The following VEPH1 variants were observed in gnomAD, a reference collection of about 807,000 sequenced individuals.
VEPH1 encodes ventricular zone expressed PH domain containing 1, also known as ventricular zone-expressed PH domain-containing protein homolog 1.
VEPH1 carries 80 observed loss-of-function variants against 85.2 expected under a neutral mutation model. That is an observed-to-expected ratio of 0.94 (90% CI 0.78 to 1.13). VEPH1 has a LOEUF of 1.13. VEPH1 is among the 50% of genes most tolerant of loss of function. VEPH1 has a pLI of 0.00. For synonymous variants in VEPH1, 297 were observed against 348.0 expected (o/e 0.85, Z 1.63); for missense variants, 955 against 980.5 (o/e 0.97, Z 0.35).
intron 4 of VEPH1, among the ~76,000 whole-genome samples, chr3:157,449,028 T>TTC (rs1734752409): frequency 6.6e-6 from 1 of 152,136 alleles, no homozygotes; most frequent in Admixed American, 6.6e-5. Context: ...AGAAGTGCCT[T>TTC]TCACCTTCCA....
chr3:157,261,488 T>C (rs1577170177), intron 13 of VEPH1, 118 bp from the exon 14 acceptor site: 4 of 1,477,024 alleles, frequency 2.7e-6, no homozygotes, highest in Non-Finnish European at 3.6e-6. Flanking sequence ...TCTCAAGACC[T>C]TTGTTATTTT....
rs553134033 is a variant in VEPH1, at chr3:157,459,898, C to T, written c.529+283G>A. ...CCACAGTTGGTAGTTGAACAGGTGA[C>T]CAGAAGCACGGAAATGCAGTTCTTC... is the stretch of plus-strand genomic sequence containing the variant. On this transcript the variant is annotated intron_variant, in intron 4 of 13. Coordinates refer to ENST00000362010, the MANE Select transcript of VEPH1 (RefSeq NM_001167912.2). 5.5e-5 allele frequency: 85 copies of T among 1,537,108 alleles called. No homozygotes were observed. In the African/African-American group the frequency reaches 9.0e-4, roughly 16 times the overall value.
chr3:157,375,155 A>G (rs977239068), intron 7 of VEPH1, among the ~76,000 whole-genome samples: 2 of 152,234 alleles, frequency 1.3e-5, no homozygotes, highest in Non-Finnish European at 2.9e-5. Context: ...GATTAAACAA[A>G]TCAGAGGGGA....
intron 2 of VEPH1, among the ~76,000 whole-genome samples, chr3:157,483,989 C>T (rs1396035831): frequency 6.6e-6 from 1 of 152,014 alleles, no homozygotes; most frequent in Non-Finnish European, 1.5e-5. Flanking sequence ...TCACAAAACA[C>T]AATAAGGATT....
intron 3 of VEPH1, among the ~76,000 whole-genome samples, chr3:157,465,310 G>T (rs1299142992): frequency 2.0e-5 from 3 of 152,248 alleles, no homozygotes; most frequent in Middle Eastern, 3.4e-3. Context: ...TTTAAAAAGT[G>T]GCTATAACAC....
At chr3:157,340,462 G>A (rs1365846089) in intron 9 of VEPH1, among the ~76,000 whole-genome samples, 2 of 152,210 alleles carry the variant, frequency 1.3e-5, no homozygotes, top group East Asian at 3.9e-4. Flanking sequence ...CAAGGCAGCA[G>A]TGAGGCTGGG....
chr3:157,405,420 A>C (rs1279291742), intron 6 of VEPH1, among the ~76,000 whole-genome samples: 1 of 152,140 alleles, frequency 6.6e-6, no homozygotes, highest in Non-Finnish European at 1.5e-5. Context: ...TATCCGCACT[A>C]TGAAGGGAAA....
intron 1 of VEPH1, among the ~76,000 whole-genome samples, chr3:157,502,515 C>T (rs902493561): frequency 8.5e-5 from 13 of 152,060 alleles, no homozygotes; most frequent in African/African-American, 2.4e-4. Context: ...AATTCAAATT[C>T]GTGGGTTTGT....
chr3:157,462,474 G>C (rs981774440), intron 3 of VEPH1, among the ~76,000 whole-genome samples: 4 of 152,116 alleles, frequency 2.6e-5, no homozygotes, highest in Admixed American at 1.3e-4. Context: ...ATGCAGCCAA[G>C]AATATAAAAA....
At chr3:157,359,516 G>A (rs113352162) in intron 9 of VEPH1, among the ~76,000 whole-genome samples, 2 of 152,110 alleles carry the variant, frequency 1.3e-5, no homozygotes, top group Admixed American at 6.6e-5. Flanking sequence ...TGACACTGCC[G>A]ACCCAAACTT....
intron 9 of VEPH1, among the ~76,000 whole-genome samples, chr3:157,324,997 CTGT>C (rs1246735757): frequency 1.3e-5 from 2 of 152,146 alleles, no homozygotes; most frequent in East Asian, 3.9e-4. Flanking sequence ...TCATCAGGAT[CTGT>C]TGTTTTATTG....
At chr3:157,444,119 A>G (rs371009878) in intron 4 of VEPH1, among the ~76,000 whole-genome samples, 14 of 152,262 alleles carry the variant, frequency 9.2e-5, no homozygotes, top group African/African-American at 3.1e-4. Context: ...TTTCCCCACC[A>G]CACTAGTATT....
At chr3:157,427,387 G>T (rs914709666) in intron 5 of VEPH1, among the ~76,000 whole-genome samples, 2 of 152,144 alleles carry the variant, frequency 1.3e-5, no homozygotes, top group Non-Finnish European at 2.9e-5. Flanking sequence ...CAAAGTGCTG[G>T]CATTACAGGC....
intron 6 of VEPH1, among the ~76,000 whole-genome samples, chr3:157,400,277 A>G (rs933770548): frequency 4.6e-5 from 7 of 152,158 alleles, no homozygotes; most frequent in African/African-American, 1.7e-4. Context: ...TGAATCTTAA[A>G]TTTTGTAACA....
chr3:157,436,001 G>A (rs1056120075), intron 4 of VEPH1, among the ~76,000 whole-genome samples: 1 of 152,162 alleles, frequency 6.6e-6, no homozygotes, highest in South Asian at 2.1e-4. Flanking sequence ...CATAGGCCGG[G>A]TGAGGTGGCT....
chr3:157,336,508 C>A (rs1222735261), intron 9 of VEPH1, among the ~76,000 whole-genome samples: 6 of 152,250 alleles, frequency 3.9e-5, no homozygotes, highest in Non-Finnish European at 2.9e-5. Flanking sequence ...GCATCTGCTT[C>A]ACTCTGCCCA....
chr3:157,447,128 G>GATGAACAAACA (rs1194052110), intron 4 of VEPH1, among the ~76,000 whole-genome samples: 1 of 152,166 alleles, frequency 6.6e-6, no homozygotes, highest in African/African-American at 2.4e-5. Context: ...ACAAATAAAT[G>GATGAACAAACA]AATGTAAGGA....
At chr3:157,348,909 A>T (rs1724540567) in intron 9 of VEPH1, among the ~76,000 whole-genome samples, 1 of 152,236 alleles carries the variant, frequency 6.6e-6, no homozygotes, top group African/African-American at 2.4e-5. Flanking sequence ...TCACCACTGA[A>T]TTCTACTGAA....
intron 2 of VEPH1, among the ~76,000 whole-genome samples, chr3:157,473,065 AC>A (rs1472350815): frequency 8.7e-5 from 12 of 138,422 alleles, no homozygotes; most frequent in African/African-American, 3.0e-4. Flanking sequence ...GATTAAATGA[AC>A]CTTTTTTTTT....
Sources: gnomAD v4.1 joint callset for allele counts (sites outside exome capture counted in the v4.1 genomes callset) on GRCh38, gnomAD v4.1.1 for gene constraint, MANE v1.5 for transcripts, NCBI Gene and HGNC (gene_info 2026-07-23, HGNC 2026-07-21) for gene names.